The following DMAC2 variants were observed in gnomAD, a reference collection of about 807,000 sequenced individuals.
The protein encoded by DMAC2 is distal membrane arm assembly component 2, also known as distal membrane-arm assembly complex protein 2.
A neutral mutation model predicts 29.6 loss-of-function variants in DMAC2; 32 were observed. That is an observed-to-expected ratio of 1.08 (90% CI 0.81 to 1.45). The LOEUF is 1.45. DMAC2 is among the 40% of genes most tolerant of loss of function. The pLI is 0.00. For missense variants in DMAC2, 319 were observed against 340.0 expected, an observed-to-expected ratio of 0.94 and a Z score of 0.49; for synonymous variants, 133 against 137.4, an observed-to-expected ratio of 0.97 and a Z score of 0.23.
At chr19:41,432,483 CGT>C (rs1555769357) in intron 5 of DMAC2, 75 bp from the exon 6 acceptor site, 4 of 1,416,390 alleles carry the variant, frequency 2.8e-6, no homozygotes, top group Admixed American at 1.8e-5. Context: ...TACAGGACAG[CGT>C]GTGCGTGTGT....
chr19:41,432,888 G>A (rs79669520), intron 5 of DMAC2: 84 of 524,376 alleles, frequency 1.6e-4, no homozygotes, highest in Non-Finnish European at 2.1e-4. Context: ...GTGTGCGTGC[G>A]TGCATGCGTG....
At chr19:41,432,674 G>GTGTGTGTATGTA in intron 5 of DMAC2, 1 of 364,230 alleles carries the variant, frequency 2.7e-6, no homozygotes, top group South Asian at 2.6e-5. Flanking sequence ...GTGTGTGTGT[G>GTGTGTGTATGTA]TGTATAGGGA....
intron 2 of DMAC2, among the ~76,000 whole-genome samples, chr19:41,437,843 G>A (rs530642554): frequency 6.6e-5 from 10 of 152,230 alleles, no homozygotes; most frequent in Non-Finnish European, 1.2e-4. Context: ...TGGTCTGGAT[G>A]TGGAGGGCAG....
intron 3 of DMAC2, among the ~76,000 whole-genome samples, chr19:41,435,960 C>T (rs1434039181): frequency 1.3e-5 from 2 of 151,892 alleles, no homozygotes; most frequent in African/African-American, 4.8e-5. Flanking sequence ...ACTGCAACCT[C>T]CACCTCCCGG....
At chr19:41,439,420 C>A in intron 1 of DMAC2, 1 of 1,412,610 alleles carries the variant, frequency 7.1e-7, no homozygotes, top group Non-Finnish European at 9.7e-7. Context: ...CCCCACCCAT[C>A]ATGCTTTTGA....
At chr19:41,432,674 G>GTGTA (rs1555769580) in intron 5 of DMAC2, 13,931 of 365,506 alleles carry the variant, frequency 0.038, 398 homozygotes, top group Non-Finnish European at 0.054. Context: ...GTGTGTGTGT[G>GTGTA]TGTATAGGGA....
chr19:41,434,416 A>G (rs929259383), intron 3 of DMAC2, among the ~76,000 whole-genome samples: 9 of 151,420 alleles, frequency 5.9e-5, no homozygotes, highest in Non-Finnish European at 8.8e-5. Context: ...AAAAAAAAAA[A>G]AAGGAATGTT....
chr19:41,436,791 T>A (rs2122257711), intron 2 of DMAC2, among the ~76,000 whole-genome samples: 2 of 152,224 alleles, frequency 1.3e-5, no homozygotes, highest in South Asian at 4.1e-4. Context: ...GCAGAGAGGC[T>A]GACTGTGAGG....
intron 5 of DMAC2, chr19:41,432,617 C>A: frequency 7.4e-6 from 3 of 405,026 alleles, no homozygotes; most frequent in Non-Finnish European, 8.7e-6. Context: ...GTAAGGACAG[C>A]ATGTGTGTGT....
At chr19:41,433,915 T>C (rs1462839600) in intron 3 of DMAC2, among the ~76,000 whole-genome samples, 1 of 147,096 alleles carries the variant, frequency 6.8e-6, no homozygotes, top group South Asian at 2.2e-4. Flanking sequence ...CTGGGCAACA[T>C]AGTGAGACCT....
In DMAC2 at chr19:41,432,054, T is replaced by C; in HGVS notation, c.*177A>G. On this transcript the variant is annotated 3_prime_UTR_variant, in exon 6 of 6. Coordinates refer to ENST00000221943, the MANE Select transcript of DMAC2 (RefSeq NM_018035.3). ...ACAGGGTGACAGGAGCTGTGACCTT[T>C]AGCCAAGGGCAGCCAGGAATAAATA... The C allele has an allele frequency of 1.4e-6, 1 of 706,322 alleles. No homozygotes were observed. The allele number at this position is 706,322 out of a possible 1,614,324, so 43.8% of individuals were successfully genotyped here. A position where few individuals can be genotyped will look rare whatever the true frequency, so the allele number is the denominator to read the frequency against.
chr19:41,436,766 C>T (rs2122257208), intron 2 of DMAC2, among the ~76,000 whole-genome samples: 1 of 152,262 alleles, frequency 6.6e-6, no homozygotes, highest in South Asian at 2.1e-4. Flanking sequence ...AATGTCAATT[C>T]CATGACCAAA....
At position 41,433,547 on chromosome 19, in the gene DMAC2, C is replaced by G. The variant is rs1555770207; in HGVS notation, c.423G>C (p.Leu141=). The G allele has an allele frequency of 6.2e-7, 1 of 1,614,092 alleles. No individual in the cohort carries two copies. The highest frequency in any genetic ancestry group is 1.3e-5 in the African/African-American group (1 of 74,930). Residue 141 remains leucine (L), a synonymous_variant, in exon 4 of 6, where the codon CTG becomes CTC. Transcript: ENST00000221943. ...CCCCACCGCACTCACGGAGGTTATC[C>G]AGGCCCTCGTAGTTGATGTCACAGT... ...AGDCDINYEG[L]DNLLRLKELQ...
chr19:41,437,700 GAA>G (rs1162579425), intron 2 of DMAC2, among the ~76,000 whole-genome samples: 1 of 124,522 alleles, frequency 8.0e-6, no homozygotes, highest in African/African-American at 2.9e-5. Context: ...CTCCATCTCA[GAA>G]AAAAAAAAAA....
rs548624954 is a variant in DMAC2, at chr19:41,434,874, T to G, written c.297-1201A>C. 6.6e-5 allele frequency among the ~76,000 whole-genome samples: 10 copies of G among 151,816 alleles called. No homozygotes were observed. In the East Asian group the frequency reaches 1.9e-3, roughly 30 times the overall value. On this transcript the variant is annotated intron_variant, in intron 3 of 5. Transcript: ENST00000221943. Reference sequence around the variant, plus strand: ...AAAAAAAATTAGCCGGGCGTGGTAGTGTGCACCTATAATCCCAGGTACTTG... The same window carrying G: ...AAAAAAAATTAGCCGGGCGTGGTAGGGTGCACCTATAATCCCAGGTACTTG...
chr19:41,439,509 T>A, intron 1 of DMAC2: 2 of 1,537,098 alleles, frequency 1.3e-6, no homozygotes, highest in Non-Finnish European at 1.7e-6. Context: ...AAATCCCACA[T>A]CCTCGAACAA....
chr19:41,438,210 A>G lies in DMAC2; in HGVS notation c.215+8T>C. On this transcript the variant is annotated splice_region_variant and intron_variant, in intron 2 of 5. Coordinates refer to ENST00000221943, the MANE Select transcript of DMAC2 (RefSeq NM_018035.3). ...CTCCACAGGGTCTTGCAGACCAGGGATTCTCACCGATTTTTCTCATGCACC... is the reference window on the plus strand; with the variant it reads ...CTCCACAGGGTCTTGCAGACCAGGGGTTCTCACCGATTTTTCTCATGCACC... 10 of 1,611,744 alleles carry G rather than the reference A, an allele frequency of 6.2e-6. No individual in the cohort carries two copies. Among genetic ancestry groups the G allele is most frequent in the Non-Finnish European group, 8.5e-6 (10 of 1,178,386 alleles).
At chr19:41,432,877 T>TGTGTGCGTGCGTGC (rs2039642932) in intron 5 of DMAC2, 2 of 526,086 alleles carry the variant, frequency 3.8e-6, no homozygotes, top group Admixed American at 3.6e-5. Flanking sequence ...TGCGTGTGTG[T>TGTGTGCGTGCGTGC]GTGTGCGTGC....
rs1364500739 is a variant in DMAC2, at chr19:41,431,526, G to A, written c.*705C>T. 2.9e-6 allele frequency: 1 copy of A among 350,728 alleles called. No individual in the cohort carries two copies. The highest frequency in any genetic ancestry group is 2.1e-5 in the African/African-American group (1 of 46,700). The allele number at this position is 350,728 out of a possible 1,614,324, so 21.7% of individuals were successfully genotyped here. ...CTGGAGGGTGCCAAGGGCAGCTGCT[G>A]ACCGCCTGGTGCTTCAGGAGCTGGG... On this transcript the variant is annotated 3_prime_UTR_variant, in exon 6 of 6. Coordinates refer to ENST00000221943, the MANE Select transcript of DMAC2 (RefSeq NM_018035.3).
Sources: gnomAD v4.1 joint callset for allele counts (sites outside exome capture counted in the v4.1 genomes callset) on GRCh38, gnomAD v4.1.1 for gene constraint, MANE v1.5 for transcripts, NCBI Gene and HGNC (gene_info 2026-07-23, HGNC 2026-07-21) for gene names.